The following FBLN7 variants were observed in gnomAD, a reference collection of about 807,000 sequenced individuals.
The protein encoded by FBLN7 is fibulin-7.
A neutral mutation model predicts 44.0 loss-of-function variants in FBLN7; 31 were observed. The ratio of observed to expected loss-of-function variants is 0.70; its 90% confidence interval spans 0.53 to 0.95. FBLN7 has a LOEUF of 0.95. Among genes scored for constraint, FBLN7 ranks in the 40% least tolerant of loss-of-function variants. The pLI is 0.00. For synonymous variants in FBLN7, 262 were observed against 253.4 expected (o/e 1.03, Z -0.32); for missense variants, 573 against 618.5 (o/e 0.93, Z 0.78).
chr2:112,233,497 A>G, the FBLN7 span: 1 of 647,468 alleles, frequency 1.5e-6, no homozygotes, highest in East Asian at 3.0e-5. Context: ...GAGGTAGCAC[A>G]TTCTAACTGT....
chr2:112,146,675 C>T (rs1392065773), intron 1 of FBLN7, among the ~76,000 whole-genome samples: 2 of 150,176 alleles, frequency 1.3e-5, no homozygotes, highest in East Asian at 2.0e-4. Flanking sequence ...CTGTGGAACT[C>T]GATCATTATT....
At chr2:112,162,612 C>T (rs187560564) in intron 2 of FBLN7, among the ~76,000 whole-genome samples, 20 of 152,296 alleles carry the variant, frequency 1.3e-4, no homozygotes, top group Non-Finnish European at 2.2e-4. Context: ...ATGTGCTTCT[C>T]GCCAACAGAA....
rs186694313 is a variant in FBLN7, at chr2:112,187,127, G to A, written c.948-7G>A. ...CTGACTGCCTCCATTTTGCCTCTCC[G>A]CTCCAGCCAGTGTGAGCGGAACCCC... On this transcript the variant is annotated splice_region_variant and splice_polypyrimidine_tract_variant and intron_variant, in intron 7 of 7. Transcript: ENST00000331203. The surrounding 1 kb of genome is among the most constrained non-coding windows in gnomAD (Gnocchi z 5.1). 23 of 1,612,898 alleles carry A rather than the reference G, an allele frequency of 1.4e-5. No individual in the cohort carries two copies. The highest frequency in any genetic ancestry group is 1.1e-4 in the African/African-American group (8 of 75,022).
At chr2:112,208,315 C>T in the FBLN7 span, among the ~76,000 whole-genome samples, 1 of 152,098 alleles carries the variant, frequency 6.6e-6, no homozygotes, top group Non-Finnish European at 1.5e-5. Flanking sequence ...GCAGGAGAAT[C>T]GCTTGAATCC....
intron 1 of FBLN7, among the ~76,000 whole-genome samples, chr2:112,157,108 A>G (rs78686339): frequency 0.089 from 13,473 of 152,200 alleles, 794 homozygotes; most frequent in Non-Finnish European, 0.14. Flanking sequence ...GGTGGCTCAC[A>G]CCTGTAATCC....
the FBLN7 span, among the ~76,000 whole-genome samples, chr2:112,233,548 T>G: frequency 8.6e-6 from 1 of 116,570 alleles, no homozygotes; most frequent in Non-Finnish European, 2.1e-5. Flanking sequence ...GCTTAAAATC[T>G]TCTTAAGTCC....
intron 6 of FBLN7, among the ~76,000 whole-genome samples, chr2:112,183,689 C>G (rs1431282200): frequency 6.6e-6 from 1 of 152,160 alleles, no homozygotes; most frequent in East Asian, 1.9e-4. Flanking sequence ...ATAACTGGCT[C>G]AGGTTTCACC....
chr2:112,244,084 A>C, the FBLN7 span, among the ~76,000 whole-genome samples: 3 of 148,594 alleles, frequency 2.0e-5, no homozygotes, highest in African/African-American at 7.6e-5. Context: ...TCTCACCACA[A>C]TAGCACTAAG....
chr2:112,167,482 C>T (rs1216936103), intron 3 of FBLN7, among the ~76,000 whole-genome samples: 2 of 152,156 alleles, frequency 1.3e-5, no homozygotes, highest in Admixed American at 6.5e-5. Flanking sequence ...TTTGCACCTG[C>T]CTCGCTGCAG....
At chr2:112,231,970 G>T in the FBLN7 span, 1 of 1,329,378 alleles carries the variant, frequency 7.5e-7, no homozygotes, top group South Asian at 1.4e-5. Flanking sequence ...TTAAGGAAGA[G>T]AACAATTTTA....
At chr2:112,145,368 C>G (rs1016197182) in intron 1 of FBLN7, among the ~76,000 whole-genome samples, 1 of 152,000 alleles carries the variant, frequency 6.6e-6, no homozygotes, top group Non-Finnish European at 1.5e-5. Flanking sequence ...AATTACTGGG[C>G]TCGAGTGACC....
the FBLN7 span, among the ~76,000 whole-genome samples, chr2:112,225,140 T>C: frequency 6.6e-6 from 1 of 152,224 alleles, no homozygotes; most frequent in South Asian, 2.1e-4. Context: ...TCCTGAGACT[T>C]TGCTGAATTT....
At chr2:112,159,537 C>A in intron 1 of FBLN7, 139 bp from the exon 2 acceptor site, 1 of 974,340 alleles carries the variant, frequency 1.0e-6, no homozygotes, top group Non-Finnish European at 1.4e-6. Flanking sequence ...TGTCCAGCGG[C>A]AGGTCACTTT....
At chr2:112,202,115 C>T in the FBLN7 span, among the ~76,000 whole-genome samples, 1 of 152,122 alleles carries the variant, frequency 6.6e-6, no homozygotes, top group Non-Finnish European at 1.5e-5. Context: ...AAGACTACTT[C>T]TGTGGAATCT....
the FBLN7 span, among the ~76,000 whole-genome samples, chr2:112,226,069 A>G: frequency 1.3e-5 from 2 of 151,890 alleles, no homozygotes; most frequent in South Asian, 4.2e-4. Flanking sequence ...GCAACAGAGC[A>G]AGACTTCATC....
intron 3 of FBLN7, among the ~76,000 whole-genome samples, chr2:112,174,152 A>C (rs1366330643): frequency 6.6e-6 from 1 of 152,210 alleles, no homozygotes; most frequent in Non-Finnish European, 1.5e-5. Flanking sequence ...CCACTTCCAG[A>C]CTACGCTGGT....
Position 112,138,649 on chromosome 2 carries a change from T to A in FBLN7, c.-7T>A. The A allele has an allele frequency of 6.2e-7, 1 of 1,613,660 alleles. No homozygotes were observed. Among genetic ancestry groups the A allele is most frequent in the Non-Finnish European group, 8.5e-7 (1 of 1,179,794 alleles). ...CCCTCCCAGGCAGCGGGATTCCGAC[T>A]GGCAAGATGGTGCCCAGCTCTCCGC... On this transcript the variant is annotated 5_prime_UTR_variant, in exon 1 of 8. Transcript: ENST00000331203.
chr2:112,198,435 A>G, the FBLN7 span, among the ~76,000 whole-genome samples: 2 of 152,090 alleles, frequency 1.3e-5, no homozygotes, highest in Admixed American at 1.3e-4. Flanking sequence ...TCAGGAGTTC[A>G]AGACCAGCCC....
the FBLN7 span, chr2:112,215,043 CTT>C: frequency 6.6e-6 from 1 of 151,698 alleles, no homozygotes; most frequent in Non-Finnish European, 1.5e-5. Context: ...TATTTTTTTC[CTT>C]ATATATAAAC....
Sources: allele counts gnomAD v4.1 joint callset (sites outside exome capture counted in the v4.1 genomes callset), GRCh38; gene constraint gnomAD v4.1.1; non-coding constraint Gnocchi (gnomAD v3.1); transcripts MANE v1.5; gene names NCBI Gene and HGNC (gene_info 2026-07-23, HGNC 2026-07-21).